Variants in NOVA2 observed in about 807,000 individuals in gnomAD.
NOVA2 encodes the protein NOVA alternative splicing regulator 2.
Under a neutral mutation model 22.5 loss-of-function variants are expected in NOVA2, and 9 were observed. That is an observed-to-expected ratio of 0.40 (90% CI 0.24 to 0.70). NOVA2 has a LOEUF of 0.70. Among genes scored for constraint, NOVA2 ranks in the 30% least tolerant of loss-of-function variants. The pLI is 0.38. For missense variants in NOVA2, 383 were observed against 682.8 expected (o/e 0.56, Z 4.89); for synonymous variants, 318 against 335.2 (o/e 0.95, Z 0.56).
intron 3 of NOVA2, among the ~76,000 whole-genome samples, chr19:45,950,425 T>C (rs761258254): frequency 8.5e-5 from 13 of 152,160 alleles, no homozygotes; most frequent in Non-Finnish European, 1.8e-4. Flanking sequence ...CCTTTCAAAG[T>C]GTTGGAATTA....
At chr19:45,943,100 C>T (rs938167564) in intron 3 of NOVA2, among the ~76,000 whole-genome samples, 1 of 147,504 alleles carries the variant, frequency 6.8e-6, no homozygotes, top group African/African-American at 2.5e-5. Context: ...GTCACCCAGG[C>T]TGGTACACAG....
At chr19:45,957,251 T>A (rs1017632123) in intron 2 of NOVA2, among the ~76,000 whole-genome samples, 1 of 151,380 alleles carries the variant, frequency 6.6e-6, no homozygotes, top group African/African-American at 2.4e-5. Flanking sequence ...CAAAAAAAAA[T>A]ATACAGGCCA....
At chr19:45,961,533 G>T (rs1968096384) in intron 1 of NOVA2, among the ~76,000 whole-genome samples, 1 of 152,070 alleles carries the variant, frequency 6.6e-6, no homozygotes, top group South Asian at 2.1e-4. Flanking sequence ...CAGGAAAAGG[G>T]GGTCAGGGAG....
intron 2 of NOVA2, among the ~76,000 whole-genome samples, chr19:45,956,834 C>T (rs1466123836): frequency 1.3e-5 from 2 of 152,238 alleles, no homozygotes; most frequent in South Asian, 2.1e-4. Context: ...CTGCTAAGGA[C>T]GCCGAGGCAC....
rs777664139 is a variant in NOVA2, at chr19:45,940,382, G to A, written c.960C>T (p.Ala320=). The stretch of plus-strand genomic sequence containing the variant: ...ATGCCAGGAGGTTGGCGGCGGCGGC[G>A]GCTGCTGGGTTGGCCCCGGCGGCCA... The part of the protein sequence containing the change: ...AAVAAGANPA[A]AAAANLLASY... The change falls in exon 4 of 4, where the codon GCC becomes GCT. Residue 320 remains alanine (A), a synonymous_variant. Coordinates refer to ENST00000263257, the MANE Select transcript of NOVA2 (RefSeq NM_002516.4). 1 of 1,414,484 alleles carries A rather than the reference G, an allele frequency of 7.1e-7. No homozygotes were observed. The highest frequency in any genetic ancestry group is 9.3e-7 in the Non-Finnish European group (1 of 1,076,510). The allele number at this position is 1,414,484 out of a possible 1,614,324, so 87.6% of individuals were successfully genotyped here.
At chr19:45,949,025 C>G (rs1014578698) in intron 3 of NOVA2, among the ~76,000 whole-genome samples, 2 of 151,956 alleles carry the variant, frequency 1.3e-5, no homozygotes, top group African/African-American at 4.8e-5. Flanking sequence ...GTGAAAAAAG[C>G]TAGACACAAA....
chr19:45,954,040 G>A, intron 2 of NOVA2, 94 bp from the exon 3 acceptor site: 2 of 1,402,078 alleles, frequency 1.4e-6, no homozygotes, highest in South Asian at 2.5e-5. Flanking sequence ...GGCAAGCTGA[G>A]GTCCAGAGAG....
At chr19:45,951,481 G>T (rs1438439633) in intron 3 of NOVA2, among the ~76,000 whole-genome samples, 1 of 152,122 alleles carries the variant, frequency 6.6e-6, no homozygotes, top group South Asian at 2.1e-4. Flanking sequence ...AGCCAGGCAT[G>T]GTAACAGGTG....
Position 45,938,529 on chromosome 19 carries a change from A to T in NOVA2, c.*1334T>A, listed in dbSNP as rs755970739. On this transcript the variant is annotated 3_prime_UTR_variant, in exon 4 of 4. Coordinates refer to ENST00000263257, the MANE Select transcript of NOVA2 (RefSeq NM_002516.4). ...CTTGGCTCACCCGATTCAATGAAAC[A>T]AAGCCACGCAGACACAGGCATGCAC... 4 of 152,686 alleles carry T rather than the reference A, an allele frequency of 2.6e-5. No individual in the cohort carries two copies. Among genetic ancestry groups the T allele is most frequent in the Non-Finnish European group, 5.9e-5 (4 of 68,170 alleles). The allele number at this position is 152,686 out of a possible 1,614,324, so 9.5% of individuals were successfully genotyped here.
At chr19:45,948,599 CAAAAAA>C (rs1227808626) in intron 3 of NOVA2, among the ~76,000 whole-genome samples, 3 of 72,692 alleles carry the variant, frequency 4.1e-5, no homozygotes, top group African/African-American at 1.0e-4. Flanking sequence ...GACTCTGTCT[CAAAAAA>C]AAAAAAAAAA....
At chr19:45,960,081 T>G (rs1173627641) in intron 2 of NOVA2, among the ~76,000 whole-genome samples, 1 of 137,356 alleles carries the variant, frequency 7.3e-6, no homozygotes, top group African/African-American at 2.8e-5. Context: ...CCTTGGAAAA[T>G]GTATGGTTGG....
chr19:45,947,174 C>T (rs1261097888), intron 3 of NOVA2, among the ~76,000 whole-genome samples: 5 of 152,064 alleles, frequency 3.3e-5, no homozygotes, highest in East Asian at 1.9e-4. Context: ...TTCAAATCCA[C>T]GAGGTTAGAG....
intron 3 of NOVA2, among the ~76,000 whole-genome samples, chr19:45,941,236 G>A (rs1967752318): frequency 6.6e-6 from 1 of 151,816 alleles, no homozygotes; most frequent in Non-Finnish European, 1.5e-5. Flanking sequence ...AGGATGCAGT[G>A]AGCTGAGCTC....
chr19:45,958,083 G>C (rs908847827), intron 2 of NOVA2, among the ~76,000 whole-genome samples: 5 of 141,366 alleles, frequency 3.5e-5, no homozygotes, highest in African/African-American at 1.3e-4. Flanking sequence ...CTGCACTCCA[G>C]CCTGGTGACA....
rs767570271 is a variant in NOVA2 at position 45,938,487 on chromosome 19, G to A, written c.*1376C>T. On this transcript the variant is annotated 3_prime_UTR_variant, in exon 4 of 4. Transcript: ENST00000263257. ...ACTCTACACCTGGCCATACTGGCCT[G>A]ACAGAGCCACCACACACTTGGCTCA... 2 of 152,554 alleles carry A rather than the reference G, an allele frequency of 1.3e-5. No individual in the cohort carries two copies. The highest frequency in any genetic ancestry group is 2.9e-5 in the Non-Finnish European group (2 of 68,120). 9.5% of individuals were successfully genotyped at this position (152,554 alleles called of 1,614,324 possible). A position where few individuals can be genotyped will look rare whatever the true frequency, so the allele number is the denominator to read the frequency against.
At chr19:45,956,613 G>C (rs1968010156) in intron 2 of NOVA2, among the ~76,000 whole-genome samples, 1 of 152,146 alleles carries the variant, frequency 6.6e-6, no homozygotes, top group Non-Finnish European at 1.5e-5. Flanking sequence ...GGGATTACAG[G>C]CGTGTGCCAC....
chr19:45,949,128 A>G (rs1375512464), intron 3 of NOVA2, among the ~76,000 whole-genome samples: 1 of 152,060 alleles, frequency 6.6e-6, no homozygotes, highest in East Asian at 1.9e-4. Context: ...GAAGACGTTG[A>G]GACTGGGATC....
chr19:45,936,225 A>G lies in NOVA2; in HGVS notation c.*3638T>C, dbSNP rs538577742. 1 of 152,338 alleles carries G rather than the reference A, an allele frequency of 6.6e-6. No individual in the cohort carries two copies. Among genetic ancestry groups the G allele is most frequent in the African/African-American group, 2.4e-5 (1 of 41,580 alleles). The allele number at this position is 152,338 out of a possible 1,614,324, so 9.4% of individuals were successfully genotyped here. A position where few individuals can be genotyped will look rare whatever the true frequency, so the allele number is the denominator to read the frequency against. On this transcript the variant is annotated 3_prime_UTR_variant, in exon 4 of 4. Coordinates refer to ENST00000263257, the MANE Select transcript of NOVA2 (RefSeq NM_002516.4). Reference sequence around the variant, plus strand: ...TTGGTACCGCCCCTTGGGCTAGCAGAGGAGGAGTTGAGCTTGTCTCCTCCT... The same window carrying G: ...TTGGTACCGCCCCTTGGGCTAGCAGGGGAGGAGTTGAGCTTGTCTCCTCCT...
At chr19:45,950,357 T>G (rs1424330556) in intron 3 of NOVA2, among the ~76,000 whole-genome samples, 3 of 151,170 alleles carry the variant, frequency 2.0e-5, no homozygotes, top group Non-Finnish European at 4.4e-5. Flanking sequence ...GATGGGGTTT[T>G]GCCATGTTGG....
Sources: gnomAD v4.1 joint callset for allele counts (sites outside exome capture counted in the v4.1 genomes callset) on GRCh38, gnomAD v4.1.1 for gene constraint, MANE v1.5 for transcripts, NCBI Gene and HGNC (gene_info 2026-07-23, HGNC 2026-07-21) for gene names.